Variants in ACO1 observed in about 807,000 individuals in gnomAD.
ACO1 encodes the protein aconitase 1.
In ACO1, 78 loss-of-function variants were observed where a neutral mutation model predicts 105.1. The ratio of observed to expected loss-of-function variants is 0.74; its 90% confidence interval spans 0.62 to 0.90. The LOEUF (loss-of-function observed/expected upper bound fraction) is 0.90, where lower values mean the gene tolerates loss of function less well. Among genes scored for constraint, ACO1 ranks in the 40% least tolerant of loss-of-function variants. ACO1 has a pLI of 0.00. For synonymous variants in ACO1, 364 were observed against 397.4 expected (o/e 0.92, Z 1.00); for missense variants, 965 against 1,111.1 (o/e 0.87, Z 1.87).
Position 32,430,487 on chromosome 9 carries a change from C to G in ACO1, c.1639C>G (p.Arg547Gly), listed in dbSNP as rs763849839. 5 of 1,612,194 alleles carry G rather than the reference C, an allele frequency of 3.1e-6. No individual in the cohort carries two copies. The African/African-American group carries it at 4.0e-5, about 13-fold the overall frequency. Residue 547 changes from arginine to glycine, a missense_variant, in exon 14 of 21, where the codon CGG (arginine) becomes GGG (glycine). Arg to Gly is a moderately radical substitution (Grantham distance 125). Coordinates refer to ENST00000309951, the MANE Select transcript of ACO1 (RefSeq NM_002197.3). ...NFEGRVHPNT[R>G]ANYLASPPLV... Reference sequence around the variant, plus strand: ...TGAAGGTCGAGTTCACCCCAACACCCGGGCCAACTATTTAGCCTCTCCCCC... The same window carrying G: ...TGAAGGTCGAGTTCACCCCAACACCGGGGCCAACTATTTAGCCTCTCCCCC...
At chr9:32,421,508 C>G (rs1821974514) in intron 8 of ACO1, among the ~76,000 whole-genome samples, 1 of 152,170 alleles carries the variant, frequency 6.6e-6, no homozygotes, top group Non-Finnish European at 1.5e-5. Context: ...TGCCTGGCCC[C>G]ATACAGGAAC....
chr9:32,445,019 G>T (rs896895099), intron 19 of ACO1, among the ~76,000 whole-genome samples: 83 of 152,282 alleles, frequency 5.5e-4, no homozygotes, highest in Middle Eastern at 3.4e-3. Flanking sequence ...CGGTTTTCCA[G>T]TATTTTATTG....
chr9:32,424,707 C>G, intron 10 of ACO1, 42 bp downstream of exon 10: 1 of 1,358,542 alleles, frequency 7.4e-7, no homozygotes, highest in Non-Finnish European at 1.0e-6. Context: ...TCAACTCTAC[C>G]TCTTGCCTGG....
chr9:32,425,190 C>A (rs571183337), intron 10 of ACO1, among the ~76,000 whole-genome samples: 2 of 152,286 alleles, frequency 1.3e-5, no homozygotes, highest in East Asian at 3.9e-4. Flanking sequence ...ATTTCTGTTG[C>A]TAGACTGTAC....
At chr9:32,403,826 TG>T (rs1256801497) in intron 1 of ACO1, among the ~76,000 whole-genome samples, 1 of 152,012 alleles carries the variant, frequency 6.6e-6, no homozygotes, top group East Asian at 1.9e-4. Context: ...CTCTGGCCTC[TG>T]TTGAGATAGT....
chr9:32,422,135 G>A (rs996231443), intron 8 of ACO1, among the ~76,000 whole-genome samples: 3 of 152,198 alleles, frequency 2.0e-5, no homozygotes, highest in Non-Finnish European at 4.4e-5. Context: ...TGGGTAGAGG[G>A]ATAAAAGCTG....
chr9:32,436,513 C>A, intron 18 of ACO1, 116 bp downstream of exon 18: 1 of 1,194,266 alleles, frequency 8.4e-7, no homozygotes, highest in Non-Finnish European at 1.2e-6. Flanking sequence ...TCCATCCTAC[C>A]CTAACTACAG....
intron 1 of ACO1, among the ~76,000 whole-genome samples, chr9:32,396,058 A>G (rs1436641663): frequency 6.6e-6 from 1 of 152,222 alleles, no homozygotes; most frequent in Admixed American, 6.5e-5. Context: ...CAGTGGCTGT[A>G]CACATCTGCC....
intron 1 of ACO1, among the ~76,000 whole-genome samples, chr9:32,400,189 T>G (rs1241230177): frequency 6.6e-6 from 1 of 152,118 alleles, no homozygotes; most frequent in East Asian, 1.9e-4. Flanking sequence ...CAGGCTGGTC[T>G]CAAACTCCTG....
chr9:32,394,041 C>G (rs932580526), intron 1 of ACO1, among the ~76,000 whole-genome samples: 3 of 152,210 alleles, frequency 2.0e-5, no homozygotes, highest in Admixed American at 1.3e-4. Context: ...TTTGCAGCAA[C>G]CTGGACCTTG....
At chr9:32,442,493 C>T (rs1324200942) in intron 19 of ACO1, among the ~76,000 whole-genome samples, 3 of 151,974 alleles carry the variant, frequency 2.0e-5, no homozygotes, top group Non-Finnish European at 2.9e-5. Context: ...AATGGAGTAC[C>T]ATCCTTTATT....
chr9:32,433,695 G>A (rs1369534402), intron 15 of ACO1, 33 bp from the exon 16 acceptor site: 4 of 1,501,446 alleles, frequency 2.7e-6, no homozygotes, highest in Non-Finnish European at 3.6e-6. Flanking sequence ...GGAATGGGAT[G>A]TGATTAGATC....
chr9:32,414,646 A>G (rs1821810930), intron 4 of ACO1, among the ~76,000 whole-genome samples: 1 of 152,152 alleles, frequency 6.6e-6, no homozygotes, highest in Admixed American at 6.5e-5. Context: ...TTCTGCTGTG[A>G]GAAGCTCTGC....
rs1822291179 is a variant in ACO1 at position 32,433,725 on chromosome 9, A to G, written c.1852-3A>G. 1.3e-6 allele frequency: 2 copies of G among 1,594,856 alleles called. No homozygotes were observed. Among genetic ancestry groups the G allele is most frequent in the South Asian group, 1.2e-5 (1 of 86,774 alleles). ...TAGATCTGCCTTTCTTTTCTTTTTTAAGACTGTGAATGAAAGCTGGAATGC... is the reference window on the plus strand; with the variant it reads ...TAGATCTGCCTTTCTTTTCTTTTTTGAGACTGTGAATGAAAGCTGGAATGC... On this transcript the variant is annotated splice_region_variant and splice_polypyrimidine_tract_variant and intron_variant, in intron 15 of 20. Coordinates refer to ENST00000309951, the MANE Select transcript of ACO1 (RefSeq NM_002197.3).
Position 32,453,950 on chromosome 9 carries a change from C to T in ACO1, c.*3839C>T, listed in dbSNP as rs1044681824. The T allele has an allele frequency of 6.6e-6, 1 of 152,174 alleles. No homozygotes were observed. Among genetic ancestry groups the T allele is most frequent in the Admixed American group, 6.5e-5 (1 of 15,284 alleles). The allele number at this position is 152,174 out of a possible 1,614,324, so 9.4% of individuals were successfully genotyped here. A position where few individuals can be genotyped will look rare whatever the true frequency, so the allele number is the denominator to read the frequency against. ...AAGAGTGAAGCCTACTTATTCAGTA[C>T]AGATTTGTTGAATGAAATTCGTAGT... On this transcript the variant is annotated 3_prime_UTR_variant, in exon 21 of 21. Coordinates refer to ENST00000309951, the MANE Select transcript of ACO1 (RefSeq NM_002197.3).
At chr9:32,436,439 C>T (rs758865471) in intron 18 of ACO1, 42 bp downstream of exon 18, 7 of 1,604,742 alleles carry the variant, frequency 4.4e-6, no homozygotes, top group Non-Finnish European at 6.0e-6. Context: ...TAGCATTTGT[C>T]AGCCTTGGTG....
intron 2 of ACO1, among the ~76,000 whole-genome samples, chr9:32,406,858 A>T (rs1197861943): frequency 6.6e-6 from 1 of 152,194 alleles, no homozygotes; most frequent in Non-Finnish European, 1.5e-5. Context: ...ATCTTGGCTC[A>T]CTGCAACCTC....
intron 8 of ACO1, among the ~76,000 whole-genome samples, chr9:32,422,533 C>T (rs1010920365): frequency 2.0e-5 from 3 of 152,150 alleles, no homozygotes; most frequent in African/African-American, 7.2e-5. Context: ...TGTTTCTAAC[C>T]ATCAGAGAAA....
chr9:32,449,217 C>A, intron 20 of ACO1, 136 bp downstream of exon 20: 1 of 761,340 alleles, frequency 1.3e-6, no homozygotes, highest in Non-Finnish European at 2.1e-6. Flanking sequence ...ACTTAGGAGG[C>A]CTACTAGCAT....
Sources: gnomAD v4.1 joint callset for allele counts (sites outside exome capture counted in the v4.1 genomes callset) on GRCh38, gnomAD v4.1.1 for gene constraint, MANE v1.5 for transcripts, NCBI Gene and HGNC (gene_info 2026-07-23, HGNC 2026-07-21) for gene names.